Variants in TRAPPC11 observed in about 807,000 individuals in gnomAD.
TRAPPC11 encodes the protein foie gras homolog.
Under a neutral mutation model 151.2 loss-of-function variants are expected in TRAPPC11, and 104 were observed. The observed-to-expected ratio is 0.69, with a 90% CI of 0.59 to 0.81. TRAPPC11 has a LOEUF of 0.81. TRAPPC11 is among the 30% of genes least tolerant of loss of function. The probability of loss-of-function intolerance (pLI) is 0.00; values close to 1 mark genes in which losing one functional copy is unlikely to be tolerated. For synonymous variants in TRAPPC11, 456 were observed against 472.3 expected, an observed-to-expected ratio of 0.97 and a Z score of 0.45; for missense variants, 1,230 against 1,349.6, an observed-to-expected ratio of 0.91 and a Z score of 1.39.
chr4:183,712,622 A>T lies in TRAPPC11; in HGVS notation c.3380A>T (p.Asp1127Val), dbSNP rs745810686. 6.2e-7 allele frequency: 1 copy of T among 1,614,164 alleles called. No individual in the cohort carries two copies. Among genetic ancestry groups the T allele is most frequent in the Non-Finnish European group, 8.5e-7 (1 of 1,180,040 alleles). ...FVKPQGRLMD[D>V]TSIAAA is the part of the protein sequence containing the mutation. ...AAGCCACAGGGTCGACTCATGGATG[A>T]TACCTCTATTGCTGCTGCATGATGT... Residue 1127 changes from aspartate (D) to valine (V), a missense_variant, in exon 30 of 30, where the codon GAT becomes GTT. Transcript: ENST00000334690.
intron 2 of TRAPPC11, 103 bp downstream of exon 2, chr4:183,664,174 G>A (rs986148643): frequency 2.0e-6 from 2 of 985,760 alleles, no homozygotes; most frequent in Non-Finnish European, 3.1e-6. Flanking sequence ...CAAGACAGTG[G>A]TCACAGTGGT....
At chr4:183,669,842 G>A (rs538149136) in intron 5 of TRAPPC11, among the ~76,000 whole-genome samples, 2 of 152,156 alleles carry the variant, frequency 1.3e-5, no homozygotes, top group African/African-American at 2.4e-5. Flanking sequence ...AAATTTAGGC[G>A]GTCATGGATT....
chr4:183,665,350 T>A (rs1244892795), intron 2 of TRAPPC11, among the ~76,000 whole-genome samples: 1 of 152,112 alleles, frequency 6.6e-6, no homozygotes, highest in Non-Finnish European at 1.5e-5. Flanking sequence ...CACCTTGGCC[T>A]CCCAAAGTGC....
At chr4:183,681,235 T>C (rs369050498) in intron 10 of TRAPPC11, among the ~76,000 whole-genome samples, 28 of 152,058 alleles carry the variant, frequency 1.8e-4, no homozygotes, top group East Asian at 7.7e-4. Context: ...TTATCAGTAG[T>C]ACTATTTTTA....
rs752187201 is a variant in TRAPPC11 at position 183,686,593 on chromosome 4, C to T, written c.1763-25C>T. The T allele has an allele frequency of 6.0e-5, 96 of 1,612,046 alleles. No individual in the cohort carries two copies. In the East Asian group the frequency reaches 2.1e-3, roughly 36 times the overall value. ...GTCGTGGGTATCTGGTTGTGCATAA[C>T]ACAGCCCTTTTGTTTTATTTCTAGT... On this transcript the variant is annotated intron_variant, in intron 17 of 29. Transcript: ENST00000334690.
intron 19 of TRAPPC11, 43 bp from the exon 20 acceptor site, chr4:183,692,917 A>G: frequency 6.4e-7 from 1 of 1,552,076 alleles, no homozygotes; most frequent in Non-Finnish European, 8.7e-7. Flanking sequence ...GGTGACAAGC[A>G]CATATGAGAT....
Position 183,708,581 on chromosome 4 carries a change from C to T in TRAPPC11, c.3357+7C>T. 1.2e-6 allele frequency: 2 copies of T among 1,608,462 alleles called. No individual in the cohort carries two copies. Among genetic ancestry groups the T allele is most frequent in the Non-Finnish European group, 1.7e-6 (2 of 1,178,648 alleles). On this transcript the variant is annotated splice_region_variant and intron_variant, in intron 29 of 29. Coordinates refer to ENST00000334690, the MANE Select transcript of TRAPPC11 (RefSeq NM_021942.6). ...TACCAGTATTTTTGTCAAGGTAAAG[C>T]TTAGCAATTTTCTGCTTTTTAAATT...
chr4:183,679,617 A>G (rs1323350373), intron 9 of TRAPPC11, 131 bp downstream of exon 9: 2 of 654,224 alleles, frequency 3.1e-6, no homozygotes, highest in Non-Finnish European at 5.0e-6. Flanking sequence ...ATGTAGCATA[A>G]GTATGTTTCT....
chr4:183,685,424 G>A, intron 17 of TRAPPC11, 21 bp downstream of exon 17: 1 of 1,596,522 alleles, frequency 6.3e-7, no homozygotes, highest in African/African-American at 1.3e-5. Flanking sequence ...AACATCTACA[G>A]TACTATTTCA....
intron 11 of TRAPPC11, 24 bp downstream of exon 11, chr4:183,682,849 T>G (rs774712988): frequency 4.6e-6 from 7 of 1,524,906 alleles, no homozygotes; most frequent in Non-Finnish European, 6.4e-6. Context: ...CCCTCTGTCC[T>G]TTCCTCTCAA....
intron 1 of TRAPPC11, among the ~76,000 whole-genome samples, chr4:183,661,379 T>TG (rs1561020884): frequency 7.2e-6 from 1 of 139,106 alleles, no homozygotes. Context: ...TTTTTTTTTT[T>TG]TTTTTTTGAG....
At position 183,663,935 on chromosome 4, in the gene TRAPPC11, C is replaced by T. The variant is rs563084875; in HGVS notation, c.68C>T (p.Thr23Met). Residue 23 changes from threonine to methionine, a missense_variant, in exon 2 of 30, where the codon ACG becomes ATG. Thr to Met is a moderately conservative substitution (Grantham distance 81). Transcript: ENST00000334690. ...CGGCCTATGGCCTTTGTTACTCTAA[C>T]GGGCCTGGATGTAGTTTATAATGCA... ...CCRPMAFVTL[T>M]GLDVVYNAVH... 4.3e-6 allele frequency: 7 copies of T among 1,614,126 alleles called. No individual in the cohort carries two copies. Among genetic ancestry groups the T allele is most frequent in the East Asian group, 2.2e-5 (1 of 44,884 alleles).
rs751995625 is a variant in TRAPPC11 at position 183,686,593 on chromosome 4, C to CA, written c.1763-24dup. The CA allele has an allele frequency of 4.3e-6, 7 of 1,612,046 alleles. No homozygotes were observed. In the Admixed American group the frequency reaches 5.0e-5, roughly 12 times the overall value. On this transcript the variant is annotated intron_variant, in intron 17 of 29. Transcript: ENST00000334690. ...GTCGTGGGTATCTGGTTGTGCATAA[C>CA]ACAGCCCTTTTGTTTTATTTCTAGT...
intron 20 of TRAPPC11, 86 bp from the exon 21 acceptor site, chr4:183,693,503 G>C: frequency 1.4e-6 from 2 of 1,424,082 alleles, no homozygotes; most frequent in African/African-American, 2.9e-5. Context: ...TCTGCACCCA[G>C]CCTCTTATTT....
At chr4:183,668,898 T>G (rs896340700) in intron 5 of TRAPPC11, among the ~76,000 whole-genome samples, 3 of 152,236 alleles carry the variant, frequency 2.0e-5, no homozygotes, top group African/African-American at 7.2e-5. Context: ...TCATTCTGCA[T>G]AAGTGTCCTT....
intron 1 of TRAPPC11, among the ~76,000 whole-genome samples, chr4:183,660,474 A>T (rs968674007): frequency 1.3e-5 from 2 of 152,228 alleles, no homozygotes; most frequent in African/African-American, 2.4e-5. Flanking sequence ...GTTAAATTGA[A>T]TATTAAAATG....
rs113648328 is a variant in TRAPPC11 at position 183,682,936 on chromosome 4, G to T, written c.1207+111G>T. ...TAAGAAATTATGTTGAAGTAAAAAT[G>T]TGTGCTTTTTAAACATTGTTTTTGT... On this transcript the variant is annotated intron_variant, in intron 11 of 29. Transcript: ENST00000334690. The T allele has an allele frequency of 1.4e-3, 997 of 733,126 alleles. 8 individuals carry two copies. In the African/African-American group the frequency reaches 0.016, roughly 12 times the overall value. 45.4% of individuals were successfully genotyped at this position (733,126 alleles called of 1,614,324 possible).
intron 9 of TRAPPC11, 132 bp downstream of exon 9, chr4:183,679,618 G>A (rs1035536548): frequency 1.2e-4 from 74 of 642,574 alleles, no homozygotes; most frequent in Non-Finnish European, 1.7e-4. Context: ...TGTAGCATAA[G>A]TATGTTTCTG....
chr4:183,675,152 GTC>G lies in TRAPPC11; in HGVS notation c.661-8_661-7del. 2 of 1,429,308 alleles carry G rather than the reference GTC, an allele frequency of 1.4e-6. No homozygotes were observed. The highest frequency in any genetic ancestry group is 1.9e-6 in the Non-Finnish European group (2 of 1,067,316). The allele number at this position is 1,429,308 out of a possible 1,614,324, so 88.5% of individuals were successfully genotyped here. A position where few individuals can be genotyped will look rare whatever the true frequency, so the allele number is the denominator to read the frequency against. On this transcript the variant is annotated splice_polypyrimidine_tract_variant and intron_variant, in intron 6 of 29. Transcript: ENST00000334690. ...GAATATGTATAATAGTAATTTTTTT[GTC>G]TCTTTTTAGCTTTTATTTGTTAGGC...
Sources: allele counts gnomAD v4.1 joint callset (sites outside exome capture counted in the v4.1 genomes callset), GRCh38; gene constraint gnomAD v4.1.1; transcripts MANE v1.5; gene names NCBI Gene and HGNC (gene_info 2026-07-23, HGNC 2026-07-21).